Variants in PKP4 observed in about 807,000 individuals in gnomAD.
PKP4 encodes the protein plakophilin 4.
A neutral mutation model predicts 145.1 loss-of-function variants in PKP4; 90 were observed. The observed-to-expected ratio is 0.62, with a 90% CI of 0.52 to 0.74. The LOEUF is 0.74. Among genes scored for constraint, PKP4 ranks in the 30% least tolerant of loss-of-function variants. The probability of loss-of-function intolerance (pLI) is 0.00; values close to 1 mark genes in which losing one functional copy is unlikely to be tolerated. For missense variants in PKP4, 1,340 were observed against 1,482.7 expected (o/e 0.90, Z 1.58); for synonymous variants, 563 against 577.2 (o/e 0.98, Z 0.35).
At chr2:158,530,803 G>A (rs529032722) in intron 1 of PKP4, among the ~76,000 whole-genome samples, 1 of 152,090 alleles carries the variant, frequency 6.6e-6, no homozygotes, top group Admixed American at 6.5e-5. Context: ...ACTGTTCATG[G>A]TTGCCTGTGG....
intron 1 of PKP4, among the ~76,000 whole-genome samples, chr2:158,459,560 A>C (rs1689439752): frequency 6.6e-6 from 1 of 152,188 alleles, no homozygotes; most frequent in Non-Finnish European, 1.5e-5. Context: ...TAATCAGTGA[A>C]TCTTCTAATT....
chr2:158,535,639 T>C (rs2043971229), intron 2 of PKP4, among the ~76,000 whole-genome samples: 1 of 152,118 alleles, frequency 6.6e-6, no homozygotes, highest in South Asian at 2.1e-4. Context: ...AGACTGGTCT[T>C]GAACTCCTGG....
At chr2:158,498,379 C>T (rs1696056969) in intron 1 of PKP4, among the ~76,000 whole-genome samples, 1 of 152,166 alleles carries the variant, frequency 6.6e-6, no homozygotes, top group South Asian at 2.1e-4. Flanking sequence ...AGATAAAAAG[C>T]ATTTTATAGT....
chr2:158,653,440 T>G (rs1558957355), intron 11 of PKP4, among the ~76,000 whole-genome samples: 1 of 151,968 alleles, frequency 6.6e-6, no homozygotes, highest in Admixed American at 6.5e-5. Context: ...TTTAATTACT[T>G]TATTCATTCT....
intron 2 of PKP4, among the ~76,000 whole-genome samples, chr2:158,574,164 A>G (rs1478897008): frequency 6.6e-6 from 1 of 152,208 alleles, no homozygotes; most frequent in Non-Finnish European, 1.5e-5. Context: ...AACAGATTCC[A>G]TTTTCATAGT....
intron 4 of PKP4, among the ~76,000 whole-genome samples, chr2:158,609,453 G>C (rs992176740): frequency 6.6e-6 from 1 of 152,152 alleles, no homozygotes; most frequent in African/African-American, 2.4e-5. Flanking sequence ...ATTTAGGATT[G>C]AAGGTCCTCA....
chr2:158,636,357 T>A (rs186822333), intron 9 of PKP4, among the ~76,000 whole-genome samples: 1 of 152,270 alleles, frequency 6.6e-6, no homozygotes, highest in East Asian at 1.9e-4. Context: ...TCATTCATTG[T>A]CTTCAGATCT....
At chr2:158,652,317 G>T (rs2055442983) in intron 11 of PKP4, among the ~76,000 whole-genome samples, 1 of 152,182 alleles carries the variant, frequency 6.6e-6, no homozygotes, top group Non-Finnish European at 1.5e-5. Context: ...TACTGCATTT[G>T]GGTAGAGGTA....
chr2:158,649,120 C>T (rs1198558188), intron 11 of PKP4, among the ~76,000 whole-genome samples: 1 of 152,134 alleles, frequency 6.6e-6, no homozygotes, highest in Non-Finnish European at 1.5e-5. Context: ...CAAAAAATGT[C>T]TATTATGAAT....
intron 2 of PKP4, among the ~76,000 whole-genome samples, chr2:158,556,227 A>G (rs751295800): frequency 6.6e-6 from 1 of 152,214 alleles, no homozygotes; most frequent in Non-Finnish European, 1.5e-5. Context: ...AAATATCTTC[A>G]TATCGGGTAG....
chr2:158,618,905 A>AT (rs1283687940), intron 4 of PKP4, among the ~76,000 whole-genome samples: 14 of 152,158 alleles, frequency 9.2e-5, no homozygotes, highest in African/African-American at 3.1e-4. Context: ...ATTTTACCTT[A>AT]TATTTAAGTA....
Position 158,528,509 on chromosome 2 carries a change from G to A in PKP4, c.-5-4671G>A, listed in dbSNP as rs1359790633. On this transcript the variant is annotated intron_variant, in intron 1 of 21. Transcript: ENST00000389759. Reference sequence around the variant, plus strand: ...TGGTGGGGTGGGGGGAGGGGGAGGGGTAGCATTGGGAGATATACCTAATGC... The same window carrying A: ...TGGTGGGGTGGGGGGAGGGGGAGGGATAGCATTGGGAGATATACCTAATGC... Among the ~76,000 whole-genome samples, 5 of 127,716 alleles carry A rather than the reference G, an allele frequency of 3.9e-5. No individual in the cohort carries two copies. In the East Asian group the frequency reaches 1.2e-3, roughly 29 times the overall value. 83.8% of individuals were successfully genotyped at this position (127,716 alleles called of 152,430 possible).
At chr2:158,478,366 T>C (rs949767271) in intron 1 of PKP4, among the ~76,000 whole-genome samples, 14 of 152,026 alleles carry the variant, frequency 9.2e-5, no homozygotes, top group Admixed American at 4.6e-4. Context: ...GGTTTTGATT[T>C]TCATAGTAAA....
chr2:158,581,444 A>G (rs2048323814), intron 3 of PKP4, among the ~76,000 whole-genome samples: 1 of 152,122 alleles, frequency 6.6e-6, no homozygotes, highest in Non-Finnish European at 1.5e-5. Context: ...GACACTAATG[A>G]CTCAAAGGAA....
chr2:158,462,325 T>C (rs1377464249), intron 1 of PKP4, among the ~76,000 whole-genome samples: 2 of 152,136 alleles, frequency 1.3e-5, no homozygotes, highest in African/African-American at 4.8e-5. Flanking sequence ...CTAAGTTATA[T>C]TTTAGCTCAA....
intron 2 of PKP4, among the ~76,000 whole-genome samples, chr2:158,562,137 T>G (rs187344854): frequency 6.6e-6 from 1 of 152,172 alleles, no homozygotes. Flanking sequence ...AATAGAAATA[T>G]GAATTTTAAG....
intron 2 of PKP4, among the ~76,000 whole-genome samples, chr2:158,538,998 C>T (rs1203115181): frequency 1.3e-5 from 2 of 152,132 alleles, no homozygotes; most frequent in African/African-American, 2.4e-5. Flanking sequence ...CTGGTGAGGT[C>T]TCAAGTTAGA....
At position 158,609,943 on chromosome 2, in the gene PKP4, G is replaced by A. The variant is rs1252583770; in HGVS notation, c.280+6839G>A. On this transcript the variant is annotated intron_variant, in intron 4 of 21. Transcript: ENST00000389759. ...CTGAGAAAGATACTTCCCAAAGAAC[G>A]AGGAAGAGCTGCCCATTCTGCCAAA... Among the ~76,000 whole-genome samples the A allele has an allele frequency of 3.3e-5, 5 of 152,174 alleles. No individual in the cohort carries two copies. In the East Asian group the frequency reaches 7.7e-4, roughly 23 times the overall value.
chr2:158,570,825 A>C (rs1002794974), intron 2 of PKP4, among the ~76,000 whole-genome samples: 1 of 152,222 alleles, frequency 6.6e-6, no homozygotes, highest in African/African-American at 2.4e-5. Context: ...TTTAAAGAAA[A>C]ATACTCAATG....
Sources: allele counts gnomAD v4.1 joint callset (sites outside exome capture counted in the v4.1 genomes callset), GRCh38; gene constraint gnomAD v4.1.1; transcripts MANE v1.5; gene names NCBI Gene and HGNC (gene_info 2026-07-23, HGNC 2026-07-21).